SUCLG2: variants seen among roughly 807,000 people sequenced by gnomAD.
SUCLG2 encodes succinate-CoA ligase GDP-forming subunit beta, also known as succinate--CoA ligase [GDP-forming] subunit beta, mitochondrial.
In SUCLG2, 42 loss-of-function variants were observed where a neutral mutation model predicts 47.9. The ratio of observed to expected loss-of-function variants is 0.88; its 90% CI spans 0.69 to 1.14. SUCLG2 has a LOEUF of 1.14. Among genes scored for constraint, SUCLG2 ranks in the 50% most tolerant of loss-of-function variants. SUCLG2 has a pLI of 0.00. For synonymous variants in SUCLG2, 195 were observed against 197.3 expected (o/e 0.99, Z 0.10); for missense variants, 571 against 525.9 (o/e 1.09, Z -0.84).
chr3:67,612,771 G>A (rs1055194830), intron 1 of SUCLG2, among the ~76,000 whole-genome samples: 1 of 152,164 alleles, frequency 6.6e-6, no homozygotes, highest in Non-Finnish European at 1.5e-5. Context: ...CAGTCCCACA[G>A]GACTATACCC....
At chr3:67,608,269 C>A (rs1013070796) in intron 2 of SUCLG2, among the ~76,000 whole-genome samples, 3 of 152,166 alleles carry the variant, frequency 2.0e-5, no homozygotes, top group African/African-American at 7.2e-5. Flanking sequence ...CTTCTCAAGC[C>A]CTTCAGCCAT....
chr3:67,375,726 T>C lies in SUCLG2; in HGVS notation c.*18A>G. On this transcript the variant is annotated 3_prime_UTR_variant, in exon 11 of 11. Coordinates refer to ENST00000307227, the MANE Select transcript of SUCLG2 (RefSeq NM_003848.4). ...CGGAAAAATGGCTTTCTTTCTCCATTGGATCAGGACAAAGACATCACTTCT... is the reference window on the plus strand; with the variant it reads ...CGGAAAAATGGCTTTCTTTCTCCATCGGATCAGGACAAAGACATCACTTCT... 6.2e-7 allele frequency: 1 copy of C among 1,602,750 alleles called. No individual in the cohort carries two copies. Among genetic ancestry groups the C allele is most frequent in the Non-Finnish European group, 8.5e-7 (1 of 1,175,626 alleles).
chr3:67,534,768 C>CAAAAAAAAAAAA lies in SUCLG2; in HGVS notation c.227-5594_227-5583dup, dbSNP rs60612549. 6.0e-4 allele frequency among the ~76,000 whole-genome samples: 21 copies of CAAAAAAAAAAAA among 34,946 alleles called. 2 individuals are homozygous for CAAAAAAAAAAAA. Among genetic ancestry groups the CAAAAAAAAAAAA allele is most frequent in the African/African-American group, 1.4e-3 (16 of 11,300 alleles). 22.9% of individuals were successfully genotyped at this position (34,946 alleles called of 152,430 possible). Reference sequence around the variant, plus strand: ...GGACAGAACTCCCTAACACTGATGGCAAAAAAAAAAAAAAAAAAAAAAAAA... The same window carrying CAAAAAAAAAAAA: ...GGACAGAACTCCCTAACACTGATGGCAAAAAAAAAAAAAAAAAAAAAAAAAAAAAAAAAAAAA... On this transcript the variant is annotated intron_variant, in intron 2 of 10. Coordinates refer to ENST00000307227, the MANE Select transcript of SUCLG2 (RefSeq NM_003848.4).
At chr3:67,434,885 T>C (rs1411138635) in intron 9 of SUCLG2, among the ~76,000 whole-genome samples, 1 of 152,230 alleles carries the variant, frequency 6.6e-6, no homozygotes, top group Non-Finnish European at 1.5e-5. Context: ...ATCTGATACA[T>C]TGTACCAGTT....
intron 7 of SUCLG2, among the ~76,000 whole-genome samples, chr3:67,508,055 G>A (rs1350531982): frequency 1.3e-5 from 2 of 152,190 alleles, no homozygotes; most frequent in Non-Finnish European, 2.9e-5. Flanking sequence ...GGTAGGTACT[G>A]ATATATAAAA....
chr3:67,512,995 T>C (rs761390580), intron 6 of SUCLG2, among the ~76,000 whole-genome samples: 1 of 150,746 alleles, frequency 6.6e-6, no homozygotes, highest in Non-Finnish European at 1.5e-5. Flanking sequence ...TAGATATATA[T>C]AGATACCAGA....
chr3:67,397,146 CAACATA>C (rs1352275513), intron 10 of SUCLG2, among the ~76,000 whole-genome samples: 1 of 151,724 alleles, frequency 6.6e-6, no homozygotes, highest in African/African-American at 2.4e-5. Context: ...CACTCCTATT[CAACATA>C]GTGTTGGAAG....
chr3:67,412,256 C>T (rs7620047), intron 9 of SUCLG2, among the ~76,000 whole-genome samples: 11,714 of 152,154 alleles, frequency 0.077, 502 homozygotes, highest in African/African-American at 0.11. Context: ...ATGCTTTCTA[C>T]CTCAAAGTGT....
At chr3:67,573,631 C>T (rs1707671800) in intron 2 of SUCLG2, among the ~76,000 whole-genome samples, 1 of 152,158 alleles carries the variant, frequency 6.6e-6, no homozygotes, top group Admixed American at 6.5e-5. Flanking sequence ...CCAGTCTGCC[C>T]ACTGGGGTAC....
intron 9 of SUCLG2, among the ~76,000 whole-genome samples, chr3:67,448,533 T>TGCCACC (rs1256924395): frequency 1.3e-5 from 2 of 152,156 alleles, no homozygotes; most frequent in African/African-American, 2.4e-5. Context: ...TACAGACATG[T>TGCCACC]GCCACCATAC....
chr3:67,437,831 A>G (rs1296227806), intron 9 of SUCLG2, among the ~76,000 whole-genome samples: 1 of 152,184 alleles, frequency 6.6e-6, no homozygotes, highest in Non-Finnish European at 1.5e-5. Flanking sequence ...CCACTATGAA[A>G]TATCACTTTC....
chr3:67,429,920 C>A (rs1279419884), intron 9 of SUCLG2, among the ~76,000 whole-genome samples: 1 of 152,168 alleles, frequency 6.6e-6, no homozygotes, highest in Non-Finnish European at 1.5e-5. Context: ...AATAGATGCA[C>A]CCAATACAGG....
chr3:67,604,782 G>C (rs754178071), intron 2 of SUCLG2, among the ~76,000 whole-genome samples: 1 of 152,118 alleles, frequency 6.6e-6, no homozygotes, highest in East Asian at 1.9e-4. Context: ...AGAGATCTGC[G>C]AGACAATCCG....
chr3:67,475,561 A>C (rs1704727360), intron 9 of SUCLG2, among the ~76,000 whole-genome samples: 1 of 152,230 alleles, frequency 6.6e-6, no homozygotes, highest in South Asian at 2.1e-4. Context: ...TTCAATCAAA[A>C]GACATGTCTT....
intron 2 of SUCLG2, among the ~76,000 whole-genome samples, chr3:67,564,357 C>T (rs894790774): frequency 6.6e-6 from 1 of 151,418 alleles, no homozygotes; most frequent in African/African-American, 2.5e-5. Context: ...ATCTTTACCT[C>T]ACACTTTACC....
At chr3:67,508,539 G>A (rs1705701234) in intron 7 of SUCLG2, among the ~76,000 whole-genome samples, 1 of 152,040 alleles carries the variant, frequency 6.6e-6, no homozygotes, top group South Asian at 2.1e-4. Context: ...CAAAGTGCTG[G>A]GATTACAGGC....
At chr3:67,593,366 A>T (rs1438545067) in intron 2 of SUCLG2, among the ~76,000 whole-genome samples, 1 of 151,554 alleles carries the variant, frequency 6.6e-6, no homozygotes. Context: ...TACCCTATAG[A>T]ATATTTGCAT....
At chr3:67,395,625 T>C (rs1177824731) in intron 10 of SUCLG2, among the ~76,000 whole-genome samples, 1 of 152,150 alleles carries the variant, frequency 6.6e-6, no homozygotes, top group African/African-American at 2.4e-5. Flanking sequence ...GACAGAAAGT[T>C]AACAACGATA....
intron 1 of SUCLG2, among the ~76,000 whole-genome samples, chr3:67,627,282 T>C (rs1339072880): frequency 6.6e-6 from 1 of 152,204 alleles, no homozygotes; most frequent in East Asian, 1.9e-4. Context: ...TGGAATTAGT[T>C]ACTCCTTTGG....
Sources: allele counts gnomAD v4.1 joint callset (sites outside exome capture counted in the v4.1 genomes callset), GRCh38; gene constraint gnomAD v4.1.1; transcripts MANE v1.5; gene names NCBI Gene and HGNC (gene_info 2026-07-23, HGNC 2026-07-21).